The following CORO1C variants were observed in gnomAD, a reference collection of about 807,000 sequenced individuals.
CORO1C encodes coronin 1C.
Under a neutral mutation model 51.2 loss-of-function variants are expected in CORO1C, and 14 were observed. That is an observed-to-expected ratio of 0.27 (90% CI 0.18 to 0.43). CORO1C has a LOEUF of 0.43. Among genes scored for constraint, CORO1C ranks in the 20% least tolerant of loss-of-function variants. The pLI is 1.00. For missense variants in CORO1C, 417 were observed against 607.8 expected, an observed-to-expected ratio of 0.69 and a Z score of 3.30; for synonymous variants, 181 against 210.5, an observed-to-expected ratio of 0.86 and a Z score of 1.21.
At chr12:108,654,846 T>C (rs1041451989) in intron 6 of CORO1C, among the ~76,000 whole-genome samples, 1 of 151,946 alleles carries the variant, frequency 6.6e-6, no homozygotes, top group Admixed American at 6.6e-5. Flanking sequence ...GGATTATAGA[T>C]AGGCACATGC....
intron 2 of CORO1C, among the ~76,000 whole-genome samples, chr12:108,698,256 T>C (rs142171866): frequency 5.3e-5 from 8 of 152,356 alleles, no homozygotes; most frequent in African/African-American, 9.6e-5. Context: ...GCCAAAGTTA[T>C]ACATTGAATT....
chr12:108,695,043 G>T (rs564619353), intron 2 of CORO1C, among the ~76,000 whole-genome samples: 1 of 152,306 alleles, frequency 6.6e-6, no homozygotes, highest in South Asian at 2.1e-4. Context: ...GCTTATCTGG[G>T]TGGCTCTGGC....
At chr12:108,694,173 T>A (rs994257008) in intron 2 of CORO1C, among the ~76,000 whole-genome samples, 1 of 149,738 alleles carries the variant, frequency 6.7e-6, no homozygotes, top group Non-Finnish European at 1.5e-5. Context: ...TCCCAGCTAC[T>A]CACGAGGCTG....
At chr12:108,650,178 AC>A (rs2032577355) in intron 8 of CORO1C, among the ~76,000 whole-genome samples, 1 of 127,728 alleles carries the variant, frequency 7.8e-6, no homozygotes, top group Non-Finnish European at 1.7e-5. Flanking sequence ...TAAACCAAAA[AC>A]CTTTTTTTTT....
At chr12:108,670,539 T>C (rs2033677476) in intron 3 of CORO1C, among the ~76,000 whole-genome samples, 1 of 152,088 alleles carries the variant, frequency 6.6e-6, no homozygotes. Context: ...AAAGCCAGGC[T>C]AGGAAATATT....
At chr12:108,711,217 T>C (rs2035170112) in intron 1 of CORO1C, among the ~76,000 whole-genome samples, 1 of 151,286 alleles carries the variant, frequency 6.6e-6, no homozygotes, top group Non-Finnish European at 1.5e-5. Flanking sequence ...AAAAAAAAAT[T>C]AGCTGGGTGT....
chr12:108,730,824 G>A (rs1005696410), intron 1 of CORO1C: 1 of 150,514 alleles, frequency 6.6e-6, no homozygotes, highest in African/African-American at 2.5e-5. Context: ...GAGATCTGCA[G>A]GGCCCAGAGC....
intron 3 of CORO1C, among the ~76,000 whole-genome samples, chr12:108,668,905 T>C (rs12423307): frequency 0.057 from 8,681 of 152,332 alleles, 509 homozygotes; most frequent in East Asian, 0.32. Context: ...AATACTTAGG[T>C]AGCCACAATC....
At chr12:108,655,058 A>C (rs979114311) in intron 6 of CORO1C, among the ~76,000 whole-genome samples, 1 of 147,932 alleles carries the variant, frequency 6.8e-6, no homozygotes, top group Non-Finnish European at 1.5e-5. Flanking sequence ...TGCTTTTAAA[A>C]AGTTGAAAGA....
chr12:108,661,366 A>G (rs2033252637), intron 4 of CORO1C, among the ~76,000 whole-genome samples: 1 of 152,232 alleles, frequency 6.6e-6, no homozygotes, highest in Admixed American at 6.5e-5. Flanking sequence ...TGGCACGTGA[A>G]AAGGGTCACA....
chr12:108,662,450 T>C (rs2033311572), intron 3 of CORO1C, among the ~76,000 whole-genome samples: 1 of 152,184 alleles, frequency 6.6e-6, no homozygotes, highest in African/African-American at 2.4e-5. Context: ...GAAGCAATTC[T>C]CCTGCCTCAG....
intron 3 of CORO1C, among the ~76,000 whole-genome samples, chr12:108,676,915 T>C (rs1000472011): frequency 1.3e-5 from 2 of 152,194 alleles, no homozygotes; most frequent in East Asian, 1.9e-4. Context: ...ATTTCCTTAA[T>C]ATGCTTTAGC....
At chr12:108,714,355 CTCCTCCAGCCTGCAG>C (rs2035268966) in intron 1 of CORO1C, among the ~76,000 whole-genome samples, 1 of 146,552 alleles carries the variant, frequency 6.8e-6, no homozygotes, top group Admixed American at 6.9e-5. Context: ...CGCCACTGCA[CTCCTCCAGCCTGCAG>C]CCTGGCAACA....
At chr12:108,668,610 G>A (rs2033588770) in intron 3 of CORO1C, 1 of 152,192 alleles carries the variant, frequency 6.6e-6, no homozygotes, top group African/African-American at 2.4e-5. Context: ...AAACTGATTT[G>A]AGAGAAGGGA....
chr12:108,668,292 T>C (rs890733229), intron 3 of CORO1C, among the ~76,000 whole-genome samples: 1 of 152,222 alleles, frequency 6.6e-6, no homozygotes, highest in Non-Finnish European at 1.5e-5. Context: ...GAACCGAGTG[T>C]TGGGTTCCGA....
At position 108,731,293 on chromosome 12, in the gene CORO1C, C is replaced by G. The variant is rs918342657; in HGVS notation, c.-6+136G>C. The G allele has an allele frequency of 6.5e-6, 1 of 153,330 alleles. No individual in the cohort carries two copies. The highest frequency in any genetic ancestry group is 6.5e-5 in the Admixed American group (1 of 15,274). 9.5% of individuals were successfully genotyped at this position (153,330 alleles called of 1,614,324 possible). ...GTGAACCCGCGCCCCGCGCGCCCACCCAGCACTGTCCCCTCCACCTAGCCC... is the reference window on the plus strand; with the variant it reads ...GTGAACCCGCGCCCCGCGCGCCCACGCAGCACTGTCCCCTCCACCTAGCCC... On this transcript the variant is annotated intron_variant, in intron 1 of 10. Coordinates refer to ENST00000261401, the MANE Select transcript of CORO1C (RefSeq NM_014325.4). The surrounding 1 kb of genome is among the most constrained non-coding windows in gnomAD (Gnocchi z 5.2).
At chr12:108,667,423 C>CA (rs1169689599) in intron 3 of CORO1C, among the ~76,000 whole-genome samples, 1 of 152,198 alleles carries the variant, frequency 6.6e-6, no homozygotes, top group Non-Finnish European at 1.5e-5. Flanking sequence ...CAGAGGAAAA[C>CA]AGACACAAAA....
chr12:108,677,170 A>C (rs2033937804), intron 3 of CORO1C, among the ~76,000 whole-genome samples: 1 of 152,204 alleles, frequency 6.6e-6, no homozygotes, highest in African/African-American at 2.4e-5. Context: ...CTTACAAATT[A>C]ATTAGAGACC....
chr12:108,715,625 C>T (rs981329859), intron 1 of CORO1C, among the ~76,000 whole-genome samples: 2 of 150,856 alleles, frequency 1.3e-5, no homozygotes, highest in African/African-American at 4.9e-5. Context: ...CTACCTGACC[C>T]GCCTCCTCCC....
Sources: allele counts gnomAD v4.1 joint callset (sites outside exome capture counted in the v4.1 genomes callset), GRCh38; gene constraint gnomAD v4.1.1; non-coding constraint Gnocchi (gnomAD v3.1); transcripts MANE v1.5; gene names NCBI Gene and HGNC (gene_info 2026-07-23, HGNC 2026-07-21).